The following EHBP1 variants were observed in gnomAD, a reference collection of about 807,000 sequenced individuals.
EHBP1 encodes the protein EH domain binding protein 1, also known as EH domain-binding protein 1.
Under a neutral mutation model 144.0 loss-of-function variants are expected in EHBP1, and 55 were observed. The observed-to-expected ratio is 0.38, with a 90% confidence interval of 0.31 to 0.48. The LOEUF (loss-of-function observed/expected upper bound fraction) is 0.48, where lower values mean the gene tolerates loss of function less well. EHBP1 is among the 20% of genes least tolerant of loss of function. The pLI is 0.98. For synonymous variants in EHBP1, 469 were observed against 472.7 expected, an observed-to-expected ratio of 0.99 and a Z score of 0.10; for missense variants, 1,200 against 1,364.2, an observed-to-expected ratio of 0.88 and a Z score of 1.90.
chr2:62,979,724 A>T (rs2058876169), intron 15 of EHBP1, among the ~76,000 whole-genome samples: 1 of 152,164 alleles, frequency 6.6e-6, no homozygotes, highest in Admixed American at 6.5e-5. Flanking sequence ...TTAAAACAAG[A>T]TCTTTAGAAA....
chr2:62,943,586 A>G (rs981870640), intron 11 of EHBP1, among the ~76,000 whole-genome samples: 1 of 152,142 alleles, frequency 6.6e-6, no homozygotes, highest in Non-Finnish European at 1.5e-5. Flanking sequence ...TTAGATGGAA[A>G]GCTTCAGGCA....
intron 1 of EHBP1, among the ~76,000 whole-genome samples, chr2:62,681,704 T>C (rs2033537439): frequency 1.3e-5 from 2 of 152,112 alleles, no homozygotes; most frequent in South Asian, 2.1e-4. Flanking sequence ...GGAAATAATG[T>C]AGCTTCTGCA....
intron 7 of EHBP1, among the ~76,000 whole-genome samples, chr2:62,844,347 C>A (rs2048141482): frequency 6.6e-6 from 1 of 152,098 alleles, no homozygotes; most frequent in Non-Finnish European, 1.5e-5. Context: ...CAGGCAGGAA[C>A]CATTTATTGA....
At chr2:62,732,285 A>G (rs1163210645) in intron 2 of EHBP1, among the ~76,000 whole-genome samples, 1 of 152,034 alleles carries the variant, frequency 6.6e-6, no homozygotes, top group African/African-American at 2.4e-5. Context: ...ATTTTTGGGA[A>G]TTCTCAGACA....
rs532345126 is a variant in EHBP1 at position 62,826,485 on chromosome 2, G to C, written c.494+217G>C. The C allele has an allele frequency of 6.1e-5, 24 of 392,428 alleles. No homozygotes were observed. In the South Asian group the frequency reaches 1.3e-3, roughly 21 times the overall value. 24.3% of individuals were successfully genotyped at this position (392,428 alleles called of 1,614,324 possible). A position where few individuals can be genotyped will look rare whatever the true frequency, so the allele number is the denominator to read the frequency against. Reference sequence around the variant, plus strand: ...AGTAATATAAACGTGAGCACAGCTGGTTTCAAAATTTAAATTGTATATTTT... The same window carrying C: ...AGTAATATAAACGTGAGCACAGCTGCTTTCAAAATTTAAATTGTATATTTT... On this transcript the variant is annotated intron_variant, in intron 6 of 22. Transcript: ENST00000431489.
At chr2:62,675,911 G>A (rs1021726231) in intron 1 of EHBP1, among the ~76,000 whole-genome samples, 1 of 150,638 alleles carries the variant, frequency 6.6e-6, no homozygotes, top group African/African-American at 2.4e-5. Flanking sequence ...TACCACCATG[G>A]CCCACAAGTT....
chr2:62,802,422 A>G (rs1322920435), intron 5 of EHBP1, among the ~76,000 whole-genome samples: 4 of 152,206 alleles, frequency 2.6e-5, no homozygotes, highest in Admixed American at 2.0e-4. Flanking sequence ...CAGTAGAGCT[A>G]TTGCTCAGAA....
intron 10 of EHBP1, among the ~76,000 whole-genome samples, chr2:62,888,879 A>G (rs1036862873): frequency 2.0e-5 from 3 of 152,162 alleles, no homozygotes; most frequent in African/African-American, 7.2e-5. Context: ...ACTTCACTTT[A>G]GGAAAAACAA....
chr2:62,970,638 T>C (rs1470589911), intron 14 of EHBP1, among the ~76,000 whole-genome samples: 4 of 152,114 alleles, frequency 2.6e-5, no homozygotes, highest in Admixed American at 6.5e-5. Flanking sequence ...GTAATGTCAG[T>C]TGGTGACATT....
At chr2:62,779,494 A>C (rs751576019) in intron 5 of EHBP1, among the ~76,000 whole-genome samples, 7 of 152,204 alleles carry the variant, frequency 4.6e-5, no homozygotes, top group Non-Finnish European at 1.0e-4. Context: ...GCTGAATGGC[A>C]AGAAAATTCA....
chr2:62,682,101 G>A (rs934712580), intron 1 of EHBP1, among the ~76,000 whole-genome samples: 2 of 152,210 alleles, frequency 1.3e-5, no homozygotes, highest in African/African-American at 4.8e-5. Context: ...TCAATCCCTG[G>A]AGACATTTTG....
intron 2 of EHBP1, among the ~76,000 whole-genome samples, chr2:62,730,842 G>A (rs1266290350): frequency 8.4e-3 from 49 of 5,804 alleles, no homozygotes; most frequent in African/African-American, 0.031. Context: ...ACAGAGAGAC[G>A]GAGAGAGAGA....
At chr2:63,035,989 AGTCGGC>A in intron 19 of EHBP1, among the ~76,000 whole-genome samples, 1 of 152,022 alleles carries the variant, frequency 6.6e-6, no homozygotes, top group Admixed American at 6.6e-5. Context: ...ATCTGTCCTA[AGTCGGC>A]TTCGTACCAT....
intron 1 of EHBP1, among the ~76,000 whole-genome samples, chr2:62,694,966 A>C (rs1321529141): frequency 6.6e-6 from 1 of 152,202 alleles, no homozygotes; most frequent in Non-Finnish European, 1.5e-5. Flanking sequence ...AAGAGGGGAA[A>C]TAAGAGAGGA....
chr2:62,805,537 A>T, intron 5 of EHBP1, among the ~76,000 whole-genome samples: 1 of 151,072 alleles, frequency 6.6e-6, no homozygotes, highest in Non-Finnish European at 1.5e-5. Context: ...TATTTTTTGA[A>T]ACAGTCTTAC....
intron 3 of EHBP1, among the ~76,000 whole-genome samples, chr2:62,763,822 A>C (rs2040954655): frequency 6.6e-6 from 1 of 152,200 alleles, no homozygotes; most frequent in African/African-American, 2.4e-5. Context: ...GTGGGAAATG[A>C]ACTTAAATGC....
chr2:62,840,793 T>C (rs1316126775), intron 7 of EHBP1, among the ~76,000 whole-genome samples: 5 of 151,586 alleles, frequency 3.3e-5, no homozygotes, highest in South Asian at 2.1e-4. Flanking sequence ...CTATGAGATA[T>C]CATCTCACAC....
chr2:62,830,398 G>A lies in EHBP1; in HGVS notation c.495-621G>A, dbSNP rs568774788. Among the ~76,000 whole-genome samples, 298 of 152,188 alleles carry A rather than the reference G, an allele frequency of 2.0e-3. 1 individual carries two copies. Among genetic ancestry groups the A allele is most frequent in the Non-Finnish European group, 3.1e-3 (212 of 67,998 alleles). ...ATCACCTGCCTCGGCCTCCCAAAGT[G>A]CTGGGATTACAGGCATGAGCCACCA... On this transcript the variant is annotated intron_variant, in intron 6 of 22. Transcript: ENST00000431489.
At chr2:62,812,260 C>G (rs1417892000) in intron 5 of EHBP1, among the ~76,000 whole-genome samples, 1 of 152,096 alleles carries the variant, frequency 6.6e-6, no homozygotes, top group African/African-American at 2.4e-5. Context: ...ATTACCCACT[C>G]TCTGATACTC....
Sources: gnomAD v4.1 joint callset for allele counts (sites outside exome capture counted in the v4.1 genomes callset) on GRCh38, gnomAD v4.1.1 for gene constraint, MANE v1.5 for transcripts, NCBI Gene and HGNC (gene_info 2026-07-23, HGNC 2026-07-21) for gene names.